MAPK4: variants seen among roughly 807,000 people sequenced by gnomAD.
MAPK4 encodes Erk3-related.
In MAPK4, 22 loss-of-function variants were observed where a neutral mutation model predicts 47.7. The ratio of observed to expected loss-of-function variants is 0.46; its 90% CI spans 0.33 to 0.66. MAPK4 has a LOEUF of 0.66. Among genes scored for constraint, MAPK4 ranks in the 30% least tolerant of loss-of-function variants. The pLI is 0.02. For synonymous variants in MAPK4, 390 were observed against 365.7 expected (o/e 1.07, Z -0.76); for missense variants, 736 against 831.7 (o/e 0.88, Z 1.42).
At chr18:50,589,734 C>CT (rs939240487) in intron 1 of MAPK4, among the ~76,000 whole-genome samples, 2 of 152,310 alleles carry the variant, frequency 1.3e-5, no homozygotes, top group Non-Finnish European at 2.9e-5. Flanking sequence ...AAATGGTTCT[C>CT]TTTCAGTTTC....
At chr18:50,609,093 A>G (rs1433646018) in intron 1 of MAPK4, among the ~76,000 whole-genome samples, 2 of 152,140 alleles carry the variant, frequency 1.3e-5, no homozygotes, top group Non-Finnish European at 2.9e-5. Context: ...TTAGTACAGA[A>G]CAAAATGGAG....
In MAPK4 at chr18:50,664,008, G is replaced by A. The variant is rs34207571; in HGVS notation, c.50G>A (p.Gly17Asp). The A allele has an allele frequency of 1.7e-3, 2,774 of 1,613,796 alleles. 7 individuals are homozygous for A. The highest frequency in any genetic ancestry group is 2.1e-3 in the Non-Finnish European group (2,492 of 1,180,042). The change falls in exon 2 of 6, where the codon GGT (glycine) becomes GAT (aspartate). Residue 17 changes from glycine (G) to aspartate (D), a missense_variant. Physicochemically the swap from Gly to Asp is moderately conservative, Grantham distance 94. Coordinates refer to ENST00000400384, the MANE Select transcript of MAPK4 (RefSeq NM_002747.4). This position sits in a 1 kb window ranked among gnomAD's most constrained non-coding sequence, Gnocchi z 6.0. The part of the protein sequence containing the change: ...CIASVYGYDL[G>D]GRFVDFQPLG... ...GCCAGTGTCTATGGGTATGACCTCGGTGGGCGCTTTGTTGACTTCCAACCC... is the reference window on the plus strand; with the variant it reads ...GCCAGTGTCTATGGGTATGACCTCGATGGGCGCTTTGTTGACTTCCAACCC...
rs139362076 is a variant in MAPK4, at chr18:50,615,263, A to C, written c.-870-47826A>C. Among the ~76,000 whole-genome samples the C allele has an allele frequency of 4.5e-4, 68 of 152,258 alleles. 1 individual carries two copies. The East Asian group carries it at 0.011, about 25-fold the overall frequency. On this transcript the variant is annotated intron_variant, in intron 1 of 5. Coordinates refer to ENST00000400384, the MANE Select transcript of MAPK4 (RefSeq NM_002747.4). ...CAGTGCACATGCCCTCTTCTGTCTA[A>C]GTTGTGGTGGAAGCTGCAGCCCCGA...
Position 50,729,603 on chromosome 18 carries a change from G to C in MAPK4, c.1513G>C (p.Glu505Gln), listed in dbSNP as rs1394810630. ...GGTCAAGAGCACGCAGGGCGGCCCA[G>C]AGCACGCCAGCCCGCCCGCCGACGA... ...QWVKSTQGGPEHASPPADDPE... is the reference protein window; with the variant it reads ...QWVKSTQGGPQHASPPADDPE... Residue 505 changes from glutamate to glutamine, a missense_variant, in exon 6 of 6, where the codon GAG becomes CAG. Physicochemically the swap from Glu to Gln is conservative, Grantham distance 29 (BLOSUM62 2). Around this residue, in one of 3 missense-constraint regions of MAPK4, gnomAD observed 377 missense variants for 378.6 expected, o/e 1.00. Transcript: ENST00000400384. The C allele has an allele frequency of 2.9e-6, 4 of 1,381,538 alleles. No individual in the cohort carries two copies. Among genetic ancestry groups the C allele is most frequent in the Non-Finnish European group, 2.8e-6 (3 of 1,070,710 alleles). 85.6% of individuals were successfully genotyped at this position (1,381,538 alleles called of 1,614,324 possible).
intron 1 of MAPK4, among the ~76,000 whole-genome samples, chr18:50,635,344 C>T (rs186676866): frequency 2.0e-3 from 307 of 152,254 alleles, no homozygotes; most frequent in Non-Finnish European, 3.4e-3. Context: ...CCCCAACATT[C>T]GGGCCCTTTA....
At chr18:50,579,961 C>T (rs150301226) in intron 1 of MAPK4, among the ~76,000 whole-genome samples, 1 of 152,352 alleles carries the variant, frequency 6.6e-6, no homozygotes, top group East Asian at 1.9e-4. Flanking sequence ...GTACTACTCA[C>T]TTCAATTTGG....
chr18:50,590,162 G>A (rs2042424888), intron 1 of MAPK4, among the ~76,000 whole-genome samples: 1 of 152,206 alleles, frequency 6.6e-6, no homozygotes, highest in African/African-American at 2.4e-5. Context: ...GATGCCCAGG[G>A]CAGGCTGACT....
At chr18:50,720,042 C>T (rs1027795364) in intron 3 of MAPK4, among the ~76,000 whole-genome samples, 1 of 152,190 alleles carries the variant, frequency 6.6e-6, no homozygotes, top group Admixed American at 6.5e-5. Flanking sequence ...AAGGCAACAG[C>T]TGGTGTGACA....
intron 1 of MAPK4, among the ~76,000 whole-genome samples, chr18:50,604,000 A>G (rs552980647): frequency 6.6e-6 from 1 of 152,354 alleles, no homozygotes; most frequent in East Asian, 1.9e-4. Context: ...GATTAGAACA[A>G]ACAAATTAGA....
chr18:50,661,002 C>T (rs1208903395), intron 1 of MAPK4, among the ~76,000 whole-genome samples: 1 of 152,162 alleles, frequency 6.6e-6, no homozygotes, highest in Non-Finnish European at 1.5e-5. Context: ...TAATTATTCG[C>T]TGATTATCTG....
intron 1 of MAPK4, among the ~76,000 whole-genome samples, chr18:50,642,758 A>G (rs1276215160): frequency 1.3e-5 from 2 of 152,194 alleles, no homozygotes; most frequent in Non-Finnish European, 1.5e-5. Context: ...TAAACAAATG[A>G]GGAACTGCCA....
At chr18:50,573,991 T>G (rs1041862036) in intron 1 of MAPK4, among the ~76,000 whole-genome samples, 5 of 152,188 alleles carry the variant, frequency 3.3e-5, no homozygotes. Flanking sequence ...AGTTACTACC[T>G]GCTTCCCTAG....
intron 2 of MAPK4, among the ~76,000 whole-genome samples, chr18:50,666,598 T>C (rs1219470643): frequency 1.3e-5 from 2 of 151,880 alleles, no homozygotes; most frequent in African/African-American, 4.9e-5. Flanking sequence ...TGGAAGCCAC[T>C]TCCCTGGTTG....
At chr18:50,648,451 A>G (rs1330773609) in intron 1 of MAPK4, among the ~76,000 whole-genome samples, 4 of 152,208 alleles carry the variant, frequency 2.6e-5, no homozygotes, top group Non-Finnish European at 5.9e-5. Context: ...ATTCAAAAAA[A>G]CTTTTTAACA....
At chr18:50,711,578 G>A (rs957549511) in intron 2 of MAPK4, among the ~76,000 whole-genome samples, 9 of 152,334 alleles carry the variant, frequency 5.9e-5, no homozygotes, top group Non-Finnish European at 7.3e-5. Context: ...CCACTTGTGC[G>A]CCAAGTGTGC....
intron 2 of MAPK4, among the ~76,000 whole-genome samples, chr18:50,693,785 G>C (rs966696622): frequency 6.6e-6 from 1 of 151,630 alleles, no homozygotes; most frequent in Non-Finnish European, 1.5e-5. Flanking sequence ...TTTATAGAGA[G>C]AAAAACTAAG....
chr18:50,563,553 C>T (rs1056892964), intron 1 of MAPK4, among the ~76,000 whole-genome samples: 1 of 152,152 alleles, frequency 6.6e-6, no homozygotes, highest in African/African-American at 2.4e-5. Context: ...GTAGCACTGC[C>T]CTGCATCTCA....
chr18:50,575,061 G>C (rs1462621762), intron 1 of MAPK4, among the ~76,000 whole-genome samples: 1 of 152,160 alleles, frequency 6.6e-6, no homozygotes, highest in African/African-American at 2.4e-5. Context: ...CAACAGTGTT[G>C]GGAAGTGGGG....
At chr18:50,564,035 A>G (rs1048070921) in intron 1 of MAPK4, among the ~76,000 whole-genome samples, 3 of 152,140 alleles carry the variant, frequency 2.0e-5, no homozygotes, top group Non-Finnish European at 4.4e-5. Flanking sequence ...GGTGCTCCTG[A>G]AACCACCACC....
Sources: gnomAD v4.1 joint callset for allele counts (sites outside exome capture counted in the v4.1 genomes callset) on GRCh38, gnomAD v4.1.1 for gene constraint, gnomAD v4.1.1 regional missense constraint, Gnocchi (gnomAD v3.1) non-coding constraint, MANE v1.5 for transcripts, NCBI Gene and HGNC (gene_info 2026-07-23, HGNC 2026-07-21) for gene names.